The following NDC1 variants were observed in gnomAD, a reference collection of about 807,000 sequenced individuals.
The protein encoded by NDC1 is nucleoporin NDC1.
Under a neutral mutation model 89.8 loss-of-function variants are expected in NDC1, and 24 were observed. The ratio of observed to expected loss-of-function variants is 0.27; its 90% confidence interval spans 0.19 to 0.38. The LOEUF is 0.38. Ranked by LOEUF, NDC1 falls within the 10% of genes least tolerant of loss-of-function variation. NDC1 has a pLI of 1.00. For synonymous variants in NDC1, 296 were observed against 284.8 expected (o/e 1.04, Z -0.39); for missense variants, 728 against 797.6 (o/e 0.91, Z 1.05).
intron 5 of NDC1, among the ~76,000 whole-genome samples, chr1:53,825,201 C>A (rs1298281276): frequency 6.6e-6 from 1 of 151,400 alleles, no homozygotes; most frequent in Non-Finnish European, 1.5e-5. Flanking sequence ...AGCGGCTGGG[C>A]GTGGTGGCTC....
chr1:53,776,848 T>C (rs1464081683), intron 16 of NDC1, among the ~76,000 whole-genome samples: 3 of 152,202 alleles, frequency 2.0e-5, no homozygotes, highest in Non-Finnish European at 4.4e-5. Context: ...TTATTCTGTT[T>C]TCATATTAGT....
intron 11 of NDC1, among the ~76,000 whole-genome samples, chr1:53,800,229 G>A (rs913379947): frequency 2.7e-5 from 4 of 150,456 alleles, no homozygotes; most frequent in South Asian, 2.1e-4. Flanking sequence ...TGATACCCAC[G>A]TCATTTTCTT....
In NDC1 at chr1:53,819,024, C is replaced by T. The variant is rs769467721; in HGVS notation, c.650G>A (p.Cys217Tyr). Residue 217 changes from cysteine (C) to tyrosine (Y), a missense_variant, in exon 6 of 18, where the codon TGT becomes TAT. Transcript: ENST00000371429. ...RSLLLLVKHSCVESLFLVRNF... is the reference protein window; with the variant it reads ...RSLLLLVKHSYVESLFLVRNF... ...TCTAACCAGGAACAGTGATTCCACA[C>T]AACTGTGTTTAACTAATAAGAGCAG... The T allele has an allele frequency of 2.5e-6, 4 of 1,581,618 alleles. No individual in the cohort carries two copies. Among genetic ancestry groups the T allele is most frequent in the Non-Finnish European group, 3.4e-6 (4 of 1,168,204 alleles).
intron 16 of NDC1, among the ~76,000 whole-genome samples, chr1:53,785,577 T>C (rs1302231021): frequency 6.6e-6 from 1 of 152,144 alleles, no homozygotes; most frequent in African/African-American, 2.4e-5. Context: ...CTCTTCATTA[T>C]CTTTTATTTT....
chr1:53,812,516 C>T (rs1648343917), intron 6 of NDC1, among the ~76,000 whole-genome samples: 1 of 152,088 alleles, frequency 6.6e-6, no homozygotes, highest in African/African-American at 2.4e-5. Context: ...AAATTCAAAG[C>T]TTGAAGACAA....
At chr1:53,818,897 A>C in intron 6 of NDC1, 74 bp downstream of exon 6, 1 of 695,154 alleles carries the variant, frequency 1.4e-6, no homozygotes, top group Non-Finnish European at 2.5e-6. Flanking sequence ...CAAAAACACA[A>C]GAATGACTTT....
intron 6 of NDC1, among the ~76,000 whole-genome samples, chr1:53,815,830 C>G (rs1486810691): frequency 1.3e-5 from 2 of 152,126 alleles, no homozygotes; most frequent in African/African-American, 4.8e-5. Flanking sequence ...AGAATCAAAT[C>G]AAGAACTCAA....
At chr1:53,820,067 C>T (rs952321248) in intron 5 of NDC1, among the ~76,000 whole-genome samples, 7 of 151,988 alleles carry the variant, frequency 4.6e-5, no homozygotes, top group Admixed American at 4.6e-4. Flanking sequence ...CCAGCCTGAC[C>T]AATGTGGTGA....
rs187725088 is a variant in NDC1 at position 53,767,244 on chromosome 1, G to C, written c.*726C>G. ...GAAAATACCCATACATTAATACTTC[G>C]TGTTTACTAGCATGATACAAAATAA... On this transcript the variant is annotated 3_prime_UTR_variant, in exon 18 of 18. Coordinates refer to ENST00000371429, the MANE Select transcript of NDC1 (RefSeq NM_018087.5). 6.6e-6 allele frequency: 1 copy of C among 152,086 alleles called. No individual in the cohort carries two copies. The highest frequency in any genetic ancestry group is 2.4e-5 in the African/African-American group (1 of 41,400). The allele number at this position is 152,086 out of a possible 1,614,324, so 9.4% of individuals were successfully genotyped here. A position where few individuals can be genotyped will look rare whatever the true frequency, so the allele number is the denominator to read the frequency against.
chr1:53,796,807 A>G lies in NDC1; in HGVS notation c.1469-3T>C. The G allele has an allele frequency of 1.9e-6, 3 of 1,604,292 alleles. No individual in the cohort carries two copies. Among genetic ancestry groups the G allele is most frequent in the South Asian group, 2.2e-5 (2 of 89,258 alleles). On this transcript the variant is annotated splice_polypyrimidine_tract_variant and splice_region_variant and intron_variant, in intron 12 of 17. Coordinates refer to ENST00000371429, the MANE Select transcript of NDC1 (RefSeq NM_018087.5). ...AGAAAATTCAGTCATTTGCTGATCT[A>G]TTTTTAAAAAAGAAAAGGCAAGATA...
chr1:53,807,550 G>T, intron 8 of NDC1, 106 bp downstream of exon 8: 1 of 876,492 alleles, frequency 1.1e-6, no homozygotes, highest in Non-Finnish European at 1.7e-6. Context: ...CCAAAAACCA[G>T]CTTACGGAAA....
intron 10 of NDC1, among the ~76,000 whole-genome samples, chr1:53,801,177 GT>G (rs1468616335): frequency 1.3e-5 from 2 of 151,666 alleles, no homozygotes; most frequent in African/African-American, 4.8e-5. Flanking sequence ...AAAGACCAGG[GT>G]TACTTCACTA....
At chr1:53,803,229 C>T (rs1647980268) in intron 10 of NDC1, among the ~76,000 whole-genome samples, 1 of 152,022 alleles carries the variant, frequency 6.6e-6, no homozygotes, top group Non-Finnish European at 1.5e-5. Flanking sequence ...CCATGCTGGG[C>T]TAATTTTTTG....
intron 8 of NDC1, 40 bp from the exon 9 acceptor site, chr1:53,806,557 G>T: frequency 1.6e-6 from 2 of 1,270,136 alleles, no homozygotes; most frequent in Non-Finnish European, 2.1e-6. Context: ...TTATTTTCAT[G>T]ATCTTACATT....
In NDC1 at chr1:53,765,694, T is replaced by G. The variant is rs1207208459; in HGVS notation, c.*2276A>C. On this transcript the variant is annotated 3_prime_UTR_variant, in exon 18 of 18. Transcript: ENST00000371429. ...TCCCAGTTCTCTGGGAAGGAAGTTCTGTGGATTTATACCTTCCATAAGGGT... is the reference window on the plus strand; with the variant it reads ...TCCCAGTTCTCTGGGAAGGAAGTTCGGTGGATTTATACCTTCCATAAGGGT... The G allele has an allele frequency of 6.6e-6, 1 of 152,192 alleles. No individual in the cohort carries two copies. Among genetic ancestry groups the G allele is most frequent in the Non-Finnish European group, 1.5e-5 (1 of 68,024 alleles). 9.4% of individuals were successfully genotyped at this position (152,192 alleles called of 1,614,324 possible).
chr1:53,828,573 C>CAA (rs1259108373), intron 3 of NDC1, among the ~76,000 whole-genome samples: 1 of 151,508 alleles, frequency 6.6e-6, no homozygotes, highest in African/African-American at 2.4e-5. Context: ...CTCCTGAATA[C>CAA]TGACTTTTTA....
intron 14 of NDC1, among the ~76,000 whole-genome samples, chr1:53,789,596 G>GT (rs1557570896): frequency 6.6e-6 from 1 of 151,844 alleles, no homozygotes; most frequent in African/African-American, 2.4e-5. Context: ...TCAGGAGTTC[G>GT]AGACCAGCCT....
chr1:53,806,394 T>C (rs1471971747), intron 9 of NDC1, 31 bp downstream of exon 9: 1 of 1,379,526 alleles, frequency 7.2e-7, no homozygotes, highest in Non-Finnish European at 9.8e-7. Flanking sequence ...TAGAGAAAAC[T>C]GTGTGAAGAT....
At chr1:53,792,500 T>C (rs1220442172) in intron 14 of NDC1, among the ~76,000 whole-genome samples, 1 of 152,180 alleles carries the variant, frequency 6.6e-6, no homozygotes, top group Non-Finnish European at 1.5e-5. Flanking sequence ...GACTCCGAAA[T>C]AATAAATATA....
Sources: gnomAD v4.1 joint callset for allele counts (sites outside exome capture counted in the v4.1 genomes callset) on GRCh38, gnomAD v4.1.1 for gene constraint, MANE v1.5 for transcripts, NCBI Gene and HGNC (gene_info 2026-07-23, HGNC 2026-07-21) for gene names.